The following KCNH7 variants were observed in gnomAD, a reference collection of about 807,000 sequenced individuals.
KCNH7 encodes the protein potassium voltage-gated channel subfamily H member 7, also known as voltage-gated inwardly rectifying potassium channel KCNH7.
KCNH7 carries 49 observed loss-of-function variants against 120.8 expected under a neutral mutation model. That is an observed-to-expected ratio of 0.41 (90% CI 0.32 to 0.51). KCNH7 has a LOEUF of 0.51. Among genes scored for constraint, KCNH7 ranks in the 20% least tolerant of loss-of-function variants. The probability of loss-of-function intolerance (pLI) is 0.38; values close to 1 mark genes in which losing one functional copy is unlikely to be tolerated. For missense variants in KCNH7, 1,097 were observed against 1,446.6 expected (o/e 0.76, Z 3.92); for synonymous variants, 547 against 516.1 (o/e 1.06, Z -0.81).
At chr2:162,819,334 A>G (rs933240254) in intron 2 of KCNH7, among the ~76,000 whole-genome samples, 1 of 152,232 alleles carries the variant, frequency 6.6e-6, no homozygotes, top group Non-Finnish European at 1.5e-5. Context: ...TAACTGTGCA[A>G]ATAAATTCAA....
chr2:162,536,146 G>A (rs1304933194), intron 3 of KCNH7, among the ~76,000 whole-genome samples: 1 of 151,706 alleles, frequency 6.6e-6, no homozygotes, highest in African/African-American at 2.4e-5. Context: ...AAAGGAAAGG[G>A]TTATAAATTT....
At chr2:162,587,850 T>G (rs1216162868) in intron 2 of KCNH7, among the ~76,000 whole-genome samples, 1 of 152,112 alleles carries the variant, frequency 6.6e-6, no homozygotes, top group Admixed American at 6.6e-5. Flanking sequence ...TTCATTTAGC[T>G]CTCTGTTTTC....
chr2:162,380,201 C>A (rs973029745), intron 13 of KCNH7, among the ~76,000 whole-genome samples, 180 bp from the exon 14 acceptor site: 1 of 152,162 alleles, frequency 6.6e-6, no homozygotes, highest in African/African-American at 2.4e-5. Context: ...CCCACTTTCA[C>A]CCTGCTGGCC....
At position 162,656,529 on chromosome 2, in the gene KCNH7, C is replaced by T. The variant is rs144072557; in HGVS notation, c.308-119449G>A. Among the ~76,000 whole-genome samples, 195 of 152,150 alleles carry T rather than the reference C, an allele frequency of 1.3e-3. 1 individual carries two copies. The highest frequency in any genetic ancestry group is 2.0e-3 in the Admixed American group (30 of 15,272). On this transcript the variant is annotated intron_variant, in intron 2 of 15. Transcript: ENST00000332142. Reference sequence around the variant, plus strand: ...TATGAGGAAGCATGAAAAGTCATTACGCTGATTTAGTGAAAATGATGAGAA... The same window carrying T: ...TATGAGGAAGCATGAAAAGTCATTATGCTGATTTAGTGAAAATGATGAGAA...
chr2:162,389,663 G>A (rs542692922), intron 12 of KCNH7, among the ~76,000 whole-genome samples: 2 of 151,980 alleles, frequency 1.3e-5, no homozygotes, highest in South Asian at 2.1e-4. Context: ...TATAATATCA[G>A]CAAGAACTAA....
intron 2 of KCNH7, among the ~76,000 whole-genome samples, chr2:162,544,721 C>T (rs1473329760): frequency 6.6e-6 from 1 of 152,058 alleles, no homozygotes; most frequent in Non-Finnish European, 1.5e-5. Flanking sequence ...CCCCACTGCA[C>T]TCCTAACTTA....
At chr2:162,784,665 G>T (rs551697277) in intron 2 of KCNH7, 1 of 152,114 alleles carries the variant, frequency 6.6e-6, no homozygotes, top group South Asian at 2.1e-4. Context: ...GGCAAATTTG[G>T]ACAAATGTCT....
chr2:162,385,840 G>A (rs775261454), intron 12 of KCNH7, among the ~76,000 whole-genome samples: 1 of 151,818 alleles, frequency 6.6e-6, no homozygotes, highest in East Asian at 1.9e-4. Flanking sequence ...CAAATGAACC[G>A]ATGGAAGGCC....
chr2:162,724,827 T>TA (rs1687461529), intron 2 of KCNH7, among the ~76,000 whole-genome samples: 1 of 152,174 alleles, frequency 6.6e-6, no homozygotes, highest in Non-Finnish European at 1.5e-5. Context: ...AAACCATGGC[T>TA]AAGAAAGGAC....
chr2:162,420,003 G>T (rs889464579), intron 9 of KCNH7, among the ~76,000 whole-genome samples: 5 of 152,116 alleles, frequency 3.3e-5, no homozygotes, highest in Non-Finnish European at 7.3e-5. Flanking sequence ...GGAGGTAGAG[G>T]GAAGACAGTT....
chr2:162,697,250 T>C (rs538666563), intron 2 of KCNH7, among the ~76,000 whole-genome samples: 1 of 152,198 alleles, frequency 6.6e-6, no homozygotes, highest in East Asian at 1.9e-4. Context: ...TGAATCCATC[T>C]GCCACCTTGC....
intron 2 of KCNH7, among the ~76,000 whole-genome samples, chr2:162,628,185 G>A (rs1683625877): frequency 1.3e-5 from 2 of 152,194 alleles, no homozygotes; most frequent in South Asian, 4.1e-4. Flanking sequence ...ACTGGAGAAA[G>A]ATAATTCTTC....
chr2:162,646,176 G>A (rs2105248345), intron 2 of KCNH7, among the ~76,000 whole-genome samples: 1 of 152,292 alleles, frequency 6.6e-6, no homozygotes, highest in African/African-American at 2.4e-5. Context: ...ATATATTTAT[G>A]TTTTATCTGT....
chr2:162,684,012 T>A (rs1380442511), intron 2 of KCNH7, among the ~76,000 whole-genome samples: 2 of 151,816 alleles, frequency 1.3e-5, no homozygotes, highest in Non-Finnish European at 2.9e-5. Context: ...TATAGACCAA[T>A]GGAACAGAAC....
intron 6 of KCNH7, among the ~76,000 whole-genome samples, chr2:162,481,169 C>T (rs1443582555): frequency 6.6e-6 from 1 of 152,118 alleles, no homozygotes; most frequent in African/African-American, 2.4e-5. Flanking sequence ...TATCTTTTCC[C>T]ACTCAACTAG....
intron 2 of KCNH7, among the ~76,000 whole-genome samples, chr2:162,835,218 C>T (rs1685616674): frequency 6.6e-6 from 1 of 151,922 alleles, no homozygotes; most frequent in Non-Finnish European, 1.5e-5. Flanking sequence ...TGCTTTCATT[C>T]CAGATTACTA....
intron 2 of KCNH7, among the ~76,000 whole-genome samples, chr2:162,547,095 C>T (rs867186106): frequency 8.6e-5 from 13 of 152,036 alleles, no homozygotes; most frequent in African/African-American, 2.9e-4. Flanking sequence ...GAAGCAGGCA[C>T]GTGTTACATG....
chr2:162,749,363 A>G (rs1408315214), intron 2 of KCNH7, among the ~76,000 whole-genome samples: 1 of 152,100 alleles, frequency 6.6e-6, no homozygotes, highest in Non-Finnish European at 1.5e-5. Flanking sequence ...CCATTTCTGG[A>G]GCGCAAATTA....
chr2:162,727,170 G>T (rs1239654128), intron 2 of KCNH7, among the ~76,000 whole-genome samples: 1 of 152,144 alleles, frequency 6.6e-6, no homozygotes, highest in Non-Finnish European at 1.5e-5. Context: ...TCCAAGGACA[G>T]CTTAATAGCT....
Sources: allele counts gnomAD v4.1 joint callset (sites outside exome capture counted in the v4.1 genomes callset), GRCh38; gene constraint gnomAD v4.1.1; transcripts MANE v1.5; gene names NCBI Gene and HGNC (gene_info 2026-07-23, HGNC 2026-07-21).